The following ERICH6 variants were observed in gnomAD, a reference collection of about 807,000 sequenced individuals.
ERICH6 encodes the protein glutamate-rich protein 6.
A neutral mutation model predicts 71.0 loss-of-function variants in ERICH6; 71 were observed. The observed-to-expected ratio is 1.00, with a 90% confidence interval of 0.83 to 1.22. ERICH6 has a LOEUF of 1.22. Among genes scored for constraint, ERICH6 ranks in the 50% most tolerant of loss-of-function variants. The pLI is 0.00. For synonymous variants in ERICH6, 262 were observed against 278.4 expected (o/e 0.94, Z 0.59); for missense variants, 808 against 797.2 (o/e 1.01, Z -0.16).
At chr3:150,668,011 A>G (rs1023840352) in intron 12 of ERICH6, among the ~76,000 whole-genome samples, 1 of 152,206 alleles carries the variant, frequency 6.6e-6, no homozygotes, top group Non-Finnish European at 1.5e-5. Context: ...GAGTATATAC[A>G]TAGTAGGTTA....
Position 150,660,106 on chromosome 3 carries a change from T to C in ERICH6, c.1778A>G (p.Asp593Gly). 3.1e-6 allele frequency: 5 copies of C among 1,613,974 alleles called. No individual in the cohort carries two copies. The highest frequency in any genetic ancestry group is 4.2e-6 in the Non-Finnish European group (5 of 1,180,000). Reference sequence around the variant, plus strand: ...TATTAAACTGGCCAGCAGAAGAAGGTCATCTCCACTTACGTATCGGAGGAT... The same window carrying C: ...TATTAAACTGGCCAGCAGAAGAAGGCCATCTCCACTTACGTATCGGAGGAT... Reference protein sequence around the residue: ...IPILRYVSGDDLLLLASLIKI... With the variant: ...IPILRYVSGDGLLLLASLIKI... Residue 593 changes from aspartate to glycine, a missense_variant, in exon 14 of 14, where the codon GAC (aspartate) becomes GGC (glycine). Coordinates refer to ENST00000295910, the MANE Select transcript of ERICH6 (RefSeq NM_152394.5).
chr3:150,664,337 T>A (rs960601703), intron 13 of ERICH6, among the ~76,000 whole-genome samples: 3 of 152,152 alleles, frequency 2.0e-5, no homozygotes, highest in Non-Finnish European at 2.9e-5. Flanking sequence ...ATTATCTAAT[T>A]TTTATGTTTT....
chr3:150,687,320 G>A (rs59341156), intron 3 of ERICH6, among the ~76,000 whole-genome samples: 24,872 of 152,098 alleles, frequency 0.16, 2,217 homozygotes, highest in East Asian at 0.35. Flanking sequence ...TACGACTTAC[G>A]TGTTGATTAT....
At chr3:150,695,695 G>T (rs560175404) in intron 3 of ERICH6, among the ~76,000 whole-genome samples, 2 of 151,414 alleles carry the variant, frequency 1.3e-5, no homozygotes, top group African/African-American at 2.4e-5. Flanking sequence ...AGACCCCAAT[G>T]GTTGGCTACA....
chr3:150,687,982 T>C (rs1712265645), intron 3 of ERICH6, among the ~76,000 whole-genome samples: 1 of 151,942 alleles, frequency 6.6e-6, no homozygotes. Context: ...ATTAGCTGGT[T>C]GTGGTGGTGC....
At chr3:150,661,831 T>C (rs972830028) in intron 13 of ERICH6, among the ~76,000 whole-genome samples, 3 of 151,986 alleles carry the variant, frequency 2.0e-5, no homozygotes, top group Non-Finnish European at 4.4e-5. Flanking sequence ...CAGTGAGCTA[T>C]GGTCACGCCA....
At chr3:150,677,841 T>A (rs1170796143) in intron 10 of ERICH6, among the ~76,000 whole-genome samples, 1 of 152,056 alleles carries the variant, frequency 6.6e-6, no homozygotes, top group Non-Finnish European at 1.5e-5. Context: ...GAGATAAAAA[T>A]TATATATATG....
intron 9 of ERICH6, among the ~76,000 whole-genome samples, chr3:150,679,155 T>C (rs764182662): frequency 3.3e-5 from 5 of 152,030 alleles, no homozygotes; most frequent in Non-Finnish European, 5.9e-5. Context: ...GGGATTTAGT[T>C]ACAAAAATAA....
intron 12 of ERICH6, 63 bp from the exon 13 acceptor site, chr3:150,667,078 C>G (rs1323291044): frequency 1.4e-6 from 2 of 1,469,370 alleles, no homozygotes; most frequent in Admixed American, 1.9e-5. Context: ...CTGGAATTAT[C>G]CCTGTCACTT....
intron 3 of ERICH6, among the ~76,000 whole-genome samples, chr3:150,689,831 C>T (rs7633706): frequency 6.6e-6 from 1 of 151,924 alleles, no homozygotes; most frequent in African/African-American, 2.4e-5. Flanking sequence ...AGTCCCTTTG[C>T]GGGAGAACGC....
intron 7 of ERICH6, among the ~76,000 whole-genome samples, chr3:150,681,944 A>G (rs929825145): frequency 3.0e-4 from 45 of 149,810 alleles, no homozygotes; most frequent in Non-Finnish European, 6.0e-4. Context: ...CCTCCCAAGT[A>G]GCTGGGACTA....
intron 10 of ERICH6, among the ~76,000 whole-genome samples, chr3:150,675,966 A>T (rs1711637799): frequency 7.3e-6 from 1 of 137,152 alleles, no homozygotes; most frequent in African/African-American, 2.8e-5. Context: ...AAACCTGTTG[A>T]TTGGTCTCTT....
chr3:150,690,431 T>C (rs182380838), intron 3 of ERICH6, among the ~76,000 whole-genome samples: 2 of 152,286 alleles, frequency 1.3e-5, no homozygotes, highest in African/African-American at 4.8e-5. Flanking sequence ...TTCATTAATC[T>C]ATAAGATGTA....
In ERICH6 at chr3:150,685,813, A is replaced by G; in HGVS notation, c.712T>C (p.Leu238=). Residue 238 remains leucine (L), a synonymous_variant, in exon 6 of 14, where the codon TTA becomes CTA. Coordinates refer to ENST00000295910, the MANE Select transcript of ERICH6 (RefSeq NM_152394.5). ...ATGGATGGTGGTCCGATGCTGGGTA[A>G]CGTTCTTAGAGAAGGCTCGAACAGT... The part of the protein sequence containing the change: ...ITLFEPSLRT[L]PSIGPPSILA... 2 of 1,614,174 alleles carry G rather than the reference A, an allele frequency of 1.2e-6. No homozygotes were observed. The highest frequency in any genetic ancestry group is 1.7e-6 in the Non-Finnish European group (2 of 1,180,034).
At chr3:150,665,774 GC>G (rs1236949181) in intron 13 of ERICH6, among the ~76,000 whole-genome samples, 1 of 147,112 alleles carries the variant, frequency 6.8e-6, no homozygotes, top group African/African-American at 2.5e-5. Context: ...GTTGCAGTGA[GC>G]TGAGATCGCG....
intron 2 of ERICH6, among the ~76,000 whole-genome samples, chr3:150,701,195 C>T (rs11719012): frequency 0.44 from 67,283 of 151,946 alleles, 15,351 homozygotes; most frequent in Non-Finnish European, 0.48. Context: ...AGTGCATTAA[C>T]ATGTTAATTT....
intron 10 of ERICH6, among the ~76,000 whole-genome samples, chr3:150,674,270 A>G (rs1308527802): frequency 6.6e-6 from 1 of 152,118 alleles, no homozygotes; most frequent in Non-Finnish European, 1.5e-5. Context: ...ATCTGACATT[A>G]CATATCTATT....
chr3:150,687,721 A>G (rs1712257099), intron 3 of ERICH6, among the ~76,000 whole-genome samples: 1 of 152,214 alleles, frequency 6.6e-6, no homozygotes, highest in African/African-American at 2.4e-5. Context: ...AGCAACCTAT[A>G]ATGGGACAGA....
At chr3:150,689,335 G>A (rs552494892) in intron 3 of ERICH6, among the ~76,000 whole-genome samples, 11 of 152,182 alleles carry the variant, frequency 7.2e-5, no homozygotes, top group Admixed American at 6.5e-4. Flanking sequence ...TTGCTAGCCA[G>A]GCCAAACTGA....
Sources: allele counts gnomAD v4.1 joint callset (sites outside exome capture counted in the v4.1 genomes callset), GRCh38; gene constraint gnomAD v4.1.1; transcripts MANE v1.5; gene names NCBI Gene and HGNC (gene_info 2026-07-23, HGNC 2026-07-21).